GALNT17: variants seen among roughly 807,000 people sequenced by gnomAD.
GALNT17 encodes polypeptide N-acetylgalactosaminyltransferase 17, also known as UDP-GalNAc:polypeptide N-acetylgalactosaminyltransferase-like 3.
In GALNT17, 29 loss-of-function variants were observed where a neutral mutation model predicts 63.7. The ratio of observed to expected loss-of-function variants is 0.46; its 90% CI spans 0.34 to 0.62. The LOEUF (loss-of-function observed/expected upper bound fraction) is 0.62. Ranked by LOEUF, GALNT17 falls within the 20% of genes least tolerant of loss-of-function variation. The probability of loss-of-function intolerance (pLI) is 0.01; values close to 1 mark genes in which losing one functional copy is unlikely to be tolerated. For missense variants in GALNT17, 603 were observed against 799.6 expected, an observed-to-expected ratio of 0.75 and a Z score of 2.97; for synonymous variants, 305 against 318.3, an observed-to-expected ratio of 0.96 and a Z score of 0.45.
At chr7:71,569,119 G>A (rs1181890821) in intron 5 of GALNT17, among the ~76,000 whole-genome samples, 3 of 152,046 alleles carry the variant, frequency 2.0e-5, no homozygotes, top group East Asian at 1.9e-4. Flanking sequence ...CTAAAGGCAC[G>A]CACTACAATG....
intron 5 of GALNT17, among the ~76,000 whole-genome samples, chr7:71,468,977 G>A (rs574606945): frequency 1.9e-4 from 29 of 152,262 alleles, no homozygotes; most frequent in African/African-American, 6.3e-4. Context: ...GGACAGAAAC[G>A]TTTATCACAT....
intron 5 of GALNT17, among the ~76,000 whole-genome samples, chr7:71,471,369 G>A (rs4719124): frequency 0.54 from 77,600 of 143,486 alleles, 22,555 homozygotes; most frequent in Non-Finnish European, 0.66. Flanking sequence ...GGAGCCACTG[G>A]ACCTGGCTGA....
intron 2 of GALNT17, among the ~76,000 whole-genome samples, chr7:71,377,405 AG>A (rs937128368): frequency 5.9e-5 from 9 of 151,800 alleles, no homozygotes; most frequent in Admixed American, 3.9e-4. Context: ...AAGAAGACAT[AG>A]AGCTTTGTTG....
At chr7:71,360,181 A>G (rs1792370828) in intron 2 of GALNT17, among the ~76,000 whole-genome samples, 1 of 152,212 alleles carries the variant, frequency 6.6e-6, no homozygotes, top group Non-Finnish European at 1.5e-5. Flanking sequence ...TGAAAATCCC[A>G]CAGTACTGAA....
intron 1 of GALNT17, among the ~76,000 whole-genome samples, chr7:71,238,669 T>A (rs907931613): frequency 6.6e-6 from 1 of 152,210 alleles, no homozygotes; most frequent in Non-Finnish European, 1.5e-5. Context: ...TGCCTCTCTC[T>A]GTGTGCGGTT....
intron 5 of GALNT17, among the ~76,000 whole-genome samples, chr7:71,567,451 C>T (rs866422213): frequency 1.1e-4 from 17 of 152,312 alleles, no homozygotes; most frequent in Middle Eastern, 3.4e-3. Flanking sequence ...CAACAATACC[C>T]TGTAGAGATT....
intron 2 of GALNT17, among the ~76,000 whole-genome samples, chr7:71,364,656 C>T (rs757187810): frequency 2.6e-5 from 4 of 152,124 alleles, no homozygotes; most frequent in Non-Finnish European, 5.9e-5. Context: ...GGGAGCAAAA[C>T]TGTCTTAGGG....
At chr7:71,298,234 G>T (rs1315343882) in intron 1 of GALNT17, among the ~76,000 whole-genome samples, 1 of 151,718 alleles carries the variant, frequency 6.6e-6, no homozygotes, top group Non-Finnish European at 1.5e-5. Context: ...TGGCCAAGCT[G>T]GTCTCGAACT....
chr7:71,215,785 C>T (rs1337659432), intron 1 of GALNT17, among the ~76,000 whole-genome samples: 6 of 152,132 alleles, frequency 3.9e-5, no homozygotes, highest in African/African-American at 1.4e-4. Flanking sequence ...ACAAGGGCAG[C>T]GTTCTCAAAC....
chr7:71,621,552 T>TGG lies in GALNT17; in HGVS notation c.1081-43859_1081-43858insGG, dbSNP rs1562713280. ...ATGGATGGATTGATGGATTGATGGA[T>TGG]AGATGGATGGATGGATGGATGGATG... On this transcript the variant is annotated intron_variant, in intron 6 of 10. Coordinates refer to ENST00000333538, the MANE Select transcript of GALNT17 (RefSeq NM_022479.3). Among the ~76,000 whole-genome samples, 988 of 109,482 alleles carry TGG rather than the reference T, an allele frequency of 9.0e-3. 25 individuals are homozygous for TGG. The highest frequency in any genetic ancestry group is 0.03 in the Admixed American group (355 of 11,962). The allele number at this position is 109,482 out of a possible 152,430, so 71.8% of individuals were successfully genotyped here.
chr7:71,702,343 C>A (rs78047757), intron 9 of GALNT17, among the ~76,000 whole-genome samples: 1 of 152,070 alleles, frequency 6.6e-6, no homozygotes, highest in Non-Finnish European at 1.5e-5. Flanking sequence ...AAGGAACAGC[C>A]AGTGCAAAGG....
At chr7:71,488,301 A>AG (rs1787947028) in intron 5 of GALNT17, among the ~76,000 whole-genome samples, 2 of 152,082 alleles carry the variant, frequency 1.3e-5, no homozygotes. Flanking sequence ...CAAGCTAATG[A>AG]GGGCTCATAG....
chr7:71,183,553 G>A (rs1329546424), intron 1 of GALNT17, among the ~76,000 whole-genome samples: 1 of 152,076 alleles, frequency 6.6e-6, no homozygotes, highest in African/African-American at 2.4e-5. Context: ...GAGGTCAGAC[G>A]CCTTGGAGAA....
intron 1 of GALNT17, among the ~76,000 whole-genome samples, chr7:71,169,894 T>C (rs1055318194): frequency 2.1e-4 from 32 of 152,138 alleles, no homozygotes; most frequent in African/African-American, 7.2e-4. Flanking sequence ...CCTACACTTT[T>C]TGTATGTGAG....
chr7:71,692,389 T>G (rs889065309), intron 9 of GALNT17, among the ~76,000 whole-genome samples: 2 of 152,222 alleles, frequency 1.3e-5, no homozygotes, highest in Non-Finnish European at 2.9e-5. Context: ...GCTGTCTTTA[T>G]ATCACTGAAT....
chr7:71,658,268 G>C, intron 6 of GALNT17, among the ~76,000 whole-genome samples: 1 of 152,080 alleles, frequency 6.6e-6, no homozygotes, highest in East Asian at 1.9e-4. Context: ...ATCAAAAGAT[G>C]TAACTAAACC....
At chr7:71,700,316 A>G (rs988971698) in intron 9 of GALNT17, among the ~76,000 whole-genome samples, 3 of 152,006 alleles carry the variant, frequency 2.0e-5, no homozygotes, top group African/African-American at 7.3e-5. Flanking sequence ...AAAAAAAAAA[A>G]AAAAGAAGAA....
At chr7:71,565,301 A>G (rs1437803281) in intron 5 of GALNT17, among the ~76,000 whole-genome samples, 1 of 151,930 alleles carries the variant, frequency 6.6e-6, no homozygotes, top group East Asian at 1.9e-4. Flanking sequence ...ACGGGGAAAG[A>G]TGTTGCCCAA....
intron 1 of GALNT17, among the ~76,000 whole-genome samples, chr7:71,177,052 G>A (rs1425571443): frequency 6.6e-6 from 1 of 152,086 alleles, no homozygotes; most frequent in African/African-American, 2.4e-5. Flanking sequence ...GCACTTGCTG[G>A]GCTTTTTCCT....
Sources: gnomAD v4.1 joint callset for allele counts (sites outside exome capture counted in the v4.1 genomes callset) on GRCh38, gnomAD v4.1.1 for gene constraint, MANE v1.5 for transcripts, NCBI Gene and HGNC (gene_info 2026-07-23, HGNC 2026-07-21) for gene names.